Variants in TRAPPC10 observed in about 807,000 individuals in gnomAD.
TRAPPC10 encodes TRAPP 130 kDa subunit.
Under a neutral mutation model 125.5 loss-of-function variants are expected in TRAPPC10, and 23 were observed. That is an observed-to-expected ratio of 0.18 (90% CI 0.13 to 0.26). TRAPPC10 has a LOEUF of 0.26. Ranked by LOEUF, TRAPPC10 falls within the 10% of genes least tolerant of loss-of-function variation. TRAPPC10 has a pLI of 1.00. For missense variants in TRAPPC10, 1,123 were observed against 1,308.4 expected (o/e 0.86, Z 2.19); for synonymous variants, 509 against 518.0 (o/e 0.98, Z 0.24).
intron 1 of TRAPPC10, among the ~76,000 whole-genome samples, chr21:44,013,558 C>T (rs546879340): frequency 6.6e-6 from 1 of 152,314 alleles, no homozygotes; most frequent in South Asian, 2.1e-4. Context: ...CGTGAGAACT[C>T]CTGTTTCCCT....
chr21:44,093,434 A>G (rs2038717698), intron 19 of TRAPPC10, among the ~76,000 whole-genome samples: 1 of 150,654 alleles, frequency 6.6e-6, no homozygotes, highest in Non-Finnish European at 1.5e-5. Context: ...AGCCTGGGTG[A>G]CAGAGTGAGA....
At chr21:44,038,966 G>C (rs1423453668) in intron 3 of TRAPPC10, among the ~76,000 whole-genome samples, 3 of 152,188 alleles carry the variant, frequency 2.0e-5, no homozygotes, top group African/African-American at 7.2e-5. Context: ...AGGCTGCGCC[G>C]TAGGCCCCCT....
intron 13 of TRAPPC10, 139 bp downstream of exon 13, chr21:44,080,266 A>T: frequency 1.4e-6 from 1 of 721,506 alleles, no homozygotes; most frequent in Non-Finnish European, 2.2e-6. Flanking sequence ...TATGTCTTTC[A>T]CCTGACTTTT....
chr21:44,016,331 C>G (rs2031839620), intron 1 of TRAPPC10, among the ~76,000 whole-genome samples: 1 of 152,180 alleles, frequency 6.6e-6, no homozygotes, highest in South Asian at 2.1e-4. Flanking sequence ...TTCCAGCCAT[C>G]TCATTCAGTT....
chr21:44,043,344 G>T (rs1242086755), intron 3 of TRAPPC10, among the ~76,000 whole-genome samples: 1 of 150,420 alleles, frequency 6.6e-6, no homozygotes, highest in Non-Finnish European at 1.5e-5. Flanking sequence ...CTCCTGAGTA[G>T]CTGGGACTAC....
intron 1 of TRAPPC10, among the ~76,000 whole-genome samples, chr21:44,018,726 A>G (rs954325888): frequency 6.6e-6 from 1 of 151,656 alleles, no homozygotes; most frequent in African/African-American, 2.4e-5. Flanking sequence ...CGGGCATAAC[A>G]CATGAACCAG....
chr21:44,071,975 A>G (rs1046048724), intron 7 of TRAPPC10, among the ~76,000 whole-genome samples: 1 of 152,170 alleles, frequency 6.6e-6, no homozygotes, highest in African/African-American at 2.4e-5. Flanking sequence ...TCAGGATGGA[A>G]GTTGAAGGTG....
chr21:44,082,705 A>G lies in TRAPPC10; in HGVS notation c.1724-83A>G. On this transcript the variant is annotated intron_variant, in intron 13 of 22. Coordinates refer to ENST00000291574, the MANE Select transcript of TRAPPC10 (RefSeq NM_003274.5). This position sits in a 1 kb window ranked among gnomAD's most constrained non-coding sequence, Gnocchi z 4.4. ...TGCTTGCTTCAGTCTGCTCTCGGTG[A>G]TCTTACTGTGTCCGCGGCCTGCTGC... is the stretch of plus-strand genomic sequence containing the variant. 1.3e-6 allele frequency: 2 copies of G among 1,489,772 alleles called. No homozygotes were observed. Among genetic ancestry groups the G allele is most frequent in the East Asian group, 2.3e-5 (1 of 44,174 alleles). The allele number at this position is 1,489,772 out of a possible 1,614,324, so 92.3% of individuals were successfully genotyped here. A position where few individuals can be genotyped will look rare whatever the true frequency, so the allele number is the denominator to read the frequency against.
In TRAPPC10 at chr21:44,088,800, C is replaced by CACT. The variant is rs2038343749; in HGVS notation, c.2769+872_2769+873insACT. 8 of 147,940 alleles carry CACT rather than the reference C, an allele frequency of 5.4e-5. 1 individual carries two copies. The highest frequency in any genetic ancestry group is 2.1e-4 in the African/African-American group (8 of 37,286). 9.2% of individuals were successfully genotyped at this position (147,940 alleles called of 1,614,324 possible). Reference sequence around the variant, plus strand: ...GCCGTGTTATCCCACTCTTCCCTGGCGCTGGCGGCACCTGTGCTGTGTGCC... The same window carrying CACT: ...GCCGTGTTATCCCACTCTTCCCTGGCACTGCTGGCGGCACCTGTGCTGTGTGCC... On this transcript the variant is annotated intron_variant, in intron 17 of 22. Coordinates refer to ENST00000291574, the MANE Select transcript of TRAPPC10 (RefSeq NM_003274.5).
intron 1 of TRAPPC10, among the ~76,000 whole-genome samples, chr21:44,027,309 T>G (rs149470289): frequency 1.6e-4 from 25 of 152,374 alleles, no homozygotes; most frequent in African/African-American, 5.3e-4. Context: ...CTCAGGGTTA[T>G]AATTTTGTGA....
chr21:44,075,940 T>C (rs1360361555), intron 9 of TRAPPC10, among the ~76,000 whole-genome samples: 1 of 152,152 alleles, frequency 6.6e-6, no homozygotes, highest in South Asian at 2.1e-4. Flanking sequence ...TCCCAGCTAT[T>C]CGGGAGGCTG....
chr21:44,068,808 C>T (rs1029663262), intron 7 of TRAPPC10, among the ~76,000 whole-genome samples: 2 of 152,000 alleles, frequency 1.3e-5, no homozygotes, highest in African/African-American at 2.4e-5. Context: ...CACTATGTTG[C>T]CCAGGCTGGT....
Position 44,082,984 on chromosome 21 carries a change from G to A in TRAPPC10, c.1920G>A (p.Lys640=). The change falls in exon 14 of 23, where the codon AAG becomes AAA. Residue 640 remains lysine (K), a synonymous_variant. Transcript: ENST00000291574. This position sits in a 1 kb window ranked among gnomAD's most constrained non-coding sequence, Gnocchi z 4.4. ...GCATTGAGAAAAACAGCTACCGGAAGACTGCGGAGTGGCTTACCAAGCACA... is the reference window on the plus strand; with the variant it reads ...GCATTGAGAAAAACAGCTACCGGAAAACTGCGGAGTGGCTTACCAAGCACA... ...HFSIEKNSYR[K]TAEWLTKHKT... is the part of the protein sequence containing the mutation. 6.2e-7 allele frequency: 1 copy of A among 1,614,064 alleles called. No individual in the cohort carries two copies. Among genetic ancestry groups the A allele is most frequent in the Non-Finnish European group, 8.5e-7 (1 of 1,180,018 alleles).
rs1011355017 is a variant in TRAPPC10 at position 44,074,529 on chromosome 21, C to T, written c.1185+59C>T. On this transcript the variant is annotated intron_variant, in intron 8 of 22. Coordinates refer to ENST00000291574, the MANE Select transcript of TRAPPC10 (RefSeq NM_003274.5). ...TGTCTCTGCGGCCATGCCTGGGTGG[C>T]GGAGGAAGTCTGCTGTTTGGAGGAG... 1.9e-5 allele frequency: 31 copies of T among 1,604,796 alleles called. No homozygotes were observed. In the African/African-American group the frequency reaches 2.0e-4, roughly 10 times the overall value.
At chr21:44,077,835 G>A in intron 11 of TRAPPC10, 51 bp downstream of exon 11, 1 of 1,402,836 alleles carries the variant, frequency 7.1e-7, no homozygotes, top group Non-Finnish European at 1.0e-6. Flanking sequence ...AATAACACGA[G>A]AAGATTTGTT....
chr21:44,091,253 C>G (rs1243932365), intron 18 of TRAPPC10, among the ~76,000 whole-genome samples: 1 of 152,094 alleles, frequency 6.6e-6, no homozygotes, highest in Non-Finnish European at 1.5e-5. Context: ...TGGATATAAG[C>G]CCCGCCTATC....
chr21:44,079,343 A>G (rs2037510497), intron 11 of TRAPPC10: 1 of 510,572 alleles, frequency 2.0e-6, no homozygotes, highest in Admixed American at 3.9e-5. Flanking sequence ...TCTTATCACC[A>G]CACGCTCATT....
intron 1 of TRAPPC10, among the ~76,000 whole-genome samples, chr21:44,028,519 A>G (rs1234625655): frequency 6.6e-6 from 1 of 152,040 alleles, no homozygotes; most frequent in Admixed American, 6.5e-5. Context: ...TTAGGGATCC[A>G]TGGCACCCCA....
At chr21:44,067,325 A>G (rs2036523661) in intron 7 of TRAPPC10, among the ~76,000 whole-genome samples, 1 of 152,170 alleles carries the variant, frequency 6.6e-6, no homozygotes, top group Admixed American at 6.5e-5. Context: ...CAGAGGACAA[A>G]GGCAGAGATG....
Sources: allele counts gnomAD v4.1 joint callset (sites outside exome capture counted in the v4.1 genomes callset), GRCh38; gene constraint gnomAD v4.1.1; non-coding constraint Gnocchi (gnomAD v3.1); transcripts MANE v1.5; gene names NCBI Gene and HGNC (gene_info 2026-07-23, HGNC 2026-07-21).